MRPS18A: variants seen among roughly 807,000 people sequenced by gnomAD.
MRPS18A encodes the protein large ribosomal subunit protein mL66.
A neutral mutation model predicts 22.7 loss-of-function variants in MRPS18A; 20 were observed. The observed-to-expected ratio is 0.88, with a 90% CI of 0.62 to 1.28. MRPS18A has a LOEUF of 1.28. Among genes scored for constraint, MRPS18A ranks in the 50% most tolerant of loss-of-function variants. The pLI is 0.00. For synonymous variants in MRPS18A, 106 were observed against 99.1 expected (o/e 1.07, Z -0.41); for missense variants, 294 against 262.6 (o/e 1.12, Z -0.83).
intron 5 of MRPS18A, among the ~76,000 whole-genome samples, chr6:43,674,411 C>T (rs1206579490): frequency 1.3e-5 from 2 of 152,160 alleles, no homozygotes; most frequent in Non-Finnish European, 2.9e-5. Flanking sequence ...TGGGAACCAC[C>T]AGCTGGACAG....
rs1350786760 is a variant in MRPS18A, at chr6:43,671,245, G to GT, written c.*516dup. The GT allele has an allele frequency of 1.9e-6, 1 of 528,872 alleles. No individual in the cohort carries two copies. The highest frequency in any genetic ancestry group is 1.9e-5 in the African/African-American group (1 of 52,534). 32.8% of individuals were successfully genotyped at this position (528,872 alleles called of 1,614,324 possible). A position where few individuals can be genotyped will look rare whatever the true frequency, so the allele number is the denominator to read the frequency against. On this transcript the variant is annotated 3_prime_UTR_variant, in exon 6 of 6. Transcript: ENST00000372133. ...TTGGATTCACACGAGAGCGGCAAGT[G>GT]TGTCAGGCAGCCCACCTTGGCTCCC...
chr6:43,684,563 C>A (rs1394784006), intron 1 of MRPS18A, among the ~76,000 whole-genome samples: 2 of 152,186 alleles, frequency 1.3e-5, no homozygotes, highest in Admixed American at 1.3e-4. Flanking sequence ...TCCCTCTGCC[C>A]TATGCTTCAG....
intron 5 of MRPS18A, 35 bp downstream of exon 5, chr6:43,675,167 G>C (rs759452064): frequency 1.5e-5 from 22 of 1,486,188 alleles, no homozygotes; most frequent in African/African-American, 5.6e-5. Context: ...CCTGAGCGCA[G>C]AACGCTCAGG....
In MRPS18A at chr6:43,673,857, C is replaced by T. The variant is rs1773898216; in HGVS notation, c.446+1345G>A. ...GCCTTTTGCAACCGACTAGCCCCCA[C>T]ACATCATCAATCCTGTGTCACGTTA... On this transcript the variant is annotated intron_variant, in intron 5 of 5. Transcript: ENST00000372133. The surrounding 1 kb of genome is among the most constrained non-coding windows in gnomAD (Gnocchi z 4.2). Among the ~76,000 whole-genome samples, 1 of 152,232 alleles carries T rather than the reference C, an allele frequency of 6.6e-6. No individual in the cohort carries two copies. The highest frequency in any genetic ancestry group is 2.4e-5 in the African/African-American group (1 of 41,458).
intron 3 of MRPS18A, among the ~76,000 whole-genome samples, chr6:43,676,319 A>C (rs1369671793): frequency 6.6e-6 from 1 of 152,234 alleles, no homozygotes; most frequent in African/African-American, 2.4e-5. Flanking sequence ...GTAACATTTT[A>C]GACCTCAAAG....
chr6:43,684,573 G>T (rs1160858377), intron 1 of MRPS18A, among the ~76,000 whole-genome samples: 4 of 152,114 alleles, frequency 2.6e-5, no homozygotes, highest in Admixed American at 2.6e-4. Context: ...CTATGCTTCA[G>T]AATGAGTCGT....
chr6:43,671,895 C>T lies in MRPS18A; in HGVS notation c.458G>A (p.Arg153His), dbSNP rs544410027. 2.5e-5 allele frequency: 41 copies of T among 1,609,174 alleles called. No individual in the cohort carries two copies. The highest frequency in any genetic ancestry group is 5.1e-5 in the Admixed American group (3 of 59,328). ...GGGCTTGACGGAGCCAGGAGCCCAG[C>T]GCGTCAGGTACCTGTGGAGGGAGAA... ...SKPQLNRYLT[R>H]WAPGSVKPIY... Residue 153 changes from arginine to histidine, a missense_variant, in exon 6 of 6, where the codon CGC (arginine) becomes CAC (histidine). Transcript: ENST00000372133.
rs1554150008 is a variant in MRPS18A at position 43,671,754 on chromosome 6, G to A, written c.*8C>T. ...GTGCAGGAGGAACTCTGGAAGCACTGCTCTCTGTCAGTGATACAGCTTCCA... is the reference window on the plus strand; with the variant it reads ...GTGCAGGAGGAACTCTGGAAGCACTACTCTCTGTCAGTGATACAGCTTCCA... On this transcript the variant is annotated 3_prime_UTR_variant, in exon 6 of 6. Transcript: ENST00000372133. The A allele has an allele frequency of 3.1e-6, 5 of 1,614,218 alleles. No homozygotes were observed. Among genetic ancestry groups the A allele is most frequent in the Non-Finnish European group, 4.2e-6 (5 of 1,180,036 alleles).
chr6:43,686,254 T>C (rs145524246), intron 1 of MRPS18A, among the ~76,000 whole-genome samples: 1 of 152,382 alleles, frequency 6.6e-6, no homozygotes, highest in African/African-American at 2.4e-5. Context: ...ATATGCAAAT[T>C]GTAGCCAATA....
chr6:43,686,824 C>T (rs548198345), intron 1 of MRPS18A, among the ~76,000 whole-genome samples: 5 of 152,380 alleles, frequency 3.3e-5, no homozygotes, highest in Admixed American at 3.3e-4. Flanking sequence ...GACCGTTTCA[C>T]TCTCCGCCAG....
intron 2 of MRPS18A, among the ~76,000 whole-genome samples, chr6:43,680,140 C>T (rs574038374): frequency 6.6e-6 from 1 of 152,296 alleles, no homozygotes; most frequent in East Asian, 1.9e-4. Context: ...ACTCTTTATA[C>T]TCAAAAGTCA....
intron 3 of MRPS18A, among the ~76,000 whole-genome samples, chr6:43,676,037 G>A (rs1427909013): frequency 6.6e-6 from 1 of 151,996 alleles, no homozygotes; most frequent in Admixed American, 6.6e-5. Flanking sequence ...TTTTTGTAGA[G>A]ATGGGGTCTC....
intron 2 of MRPS18A, 78 bp downstream of exon 2, chr6:43,681,011 C>T: frequency 1.7e-5 from 24 of 1,443,148 alleles, no homozygotes; most frequent in Non-Finnish European, 2.3e-5. Context: ...CAGTTTGGGC[C>T]CCTCCCTCCC....
chr6:43,681,299 C>T (rs537718537), intron 1 of MRPS18A, among the ~76,000 whole-genome samples, 179 bp from the exon 2 acceptor site: 15 of 152,330 alleles, frequency 9.8e-5, no homozygotes, highest in Admixed American at 2.6e-4. Flanking sequence ...AGGCTCTATG[C>T]CCTTGAGGCG....
chr6:43,672,081 A>T (rs1773737678), intron 5 of MRPS18A, 175 bp from the exon 6 acceptor site: 1 of 765,230 alleles, frequency 1.3e-6, no homozygotes, highest in Non-Finnish European at 2.1e-6. Context: ...GCGTCCTGTA[A>T]ACAGATGGGC....
chr6:43,686,561 T>A (rs1774709442), intron 1 of MRPS18A, among the ~76,000 whole-genome samples: 1 of 152,242 alleles, frequency 6.6e-6, no homozygotes, highest in Non-Finnish European at 1.5e-5. Flanking sequence ...CTATTGAAAT[T>A]GCTGTTTGAA....
chr6:43,675,093 T>C, intron 5 of MRPS18A, 109 bp downstream of exon 5: 1 of 956,528 alleles, frequency 1.0e-6, no homozygotes, highest in Non-Finnish European at 1.5e-6. Flanking sequence ...AGGGGTGGAC[T>C]GATGGGGGTG....
At chr6:43,678,932 G>A (rs903975302) in intron 2 of MRPS18A, among the ~76,000 whole-genome samples, 1 of 141,272 alleles carries the variant, frequency 7.1e-6, no homozygotes. Flanking sequence ...CTACCTTTCC[G>A]TCCTCGAAAA....
chr6:43,673,518 G>A lies in MRPS18A; in HGVS notation c.447-1612C>T, dbSNP rs562235176. On this transcript the variant is annotated intron_variant, in intron 5 of 5. Coordinates refer to ENST00000372133, the MANE Select transcript of MRPS18A (RefSeq NM_018135.4). The surrounding 1 kb of genome is among the most constrained non-coding windows in gnomAD (Gnocchi z 4.2). ...TTTCTCCCATGCCTTGGAGAGGGAA[G>A]CTGGGCTTTAGCTGGCCTTGGGCCT... Among the ~76,000 whole-genome samples the A allele has an allele frequency of 6.6e-6, 1 of 152,352 alleles. No homozygotes were observed. The highest frequency in any genetic ancestry group is 6.5e-5 in the Admixed American group (1 of 15,296).
Sources: gnomAD v4.1 joint callset for allele counts (sites outside exome capture counted in the v4.1 genomes callset) on GRCh38, gnomAD v4.1.1 for gene constraint, Gnocchi (gnomAD v3.1) non-coding constraint, MANE v1.5 for transcripts, NCBI Gene and HGNC (gene_info 2026-07-23, HGNC 2026-07-21) for gene names.